TECRL: variants seen among roughly 807,000 people sequenced by gnomAD.
The protein encoded by TECRL is trans-2,3-enoyl-CoA reductase like.
TECRL carries 63 observed loss-of-function variants against 52.8 expected under a neutral mutation model. That is an observed-to-expected ratio of 1.19 (90% confidence interval 0.97 to 1.47). The LOEUF is 1.47. Ranked by LOEUF, TECRL falls within the 40% of genes most tolerant of loss-of-function variation. The pLI is 0.00. For missense variants in TECRL, 482 were observed against 429.6 expected (o/e 1.12, Z -1.08); for synonymous variants, 164 against 141.9 (o/e 1.16, Z -1.10).
intron 9 of TECRL, among the ~76,000 whole-genome samples, chr4:64,284,338 A>G (rs1577796852): frequency 6.6e-6 from 1 of 152,052 alleles, no homozygotes; most frequent in Admixed American, 6.6e-5. Flanking sequence ...CAGATAGTCT[A>G]CGCAAGGTTG....
chr4:64,334,030 C>CAAAAAAAAAAAAAAAAAAAAAAAAA (rs4034910), intron 2 of TECRL, among the ~76,000 whole-genome samples: 16 of 27,912 alleles, frequency 5.7e-4, no homozygotes, highest in East Asian at 1.2e-3. Flanking sequence ...GACTCCGTCT[C>CAAAAAAAAAAAAAAAAAAAAAAAAA]AAAAAAAAAA....
At chr4:64,288,553 C>A (rs765636107) in intron 9 of TECRL, among the ~76,000 whole-genome samples, 44 of 152,122 alleles carry the variant, frequency 2.9e-4, no homozygotes, top group Admixed American at 7.9e-4. Flanking sequence ...GAACAATGAA[C>A]CATTTCTTGC....
At chr4:64,313,544 C>T (rs1015563592) in intron 5 of TECRL, among the ~76,000 whole-genome samples, 3 of 132,100 alleles carry the variant, frequency 2.3e-5, no homozygotes, top group African/African-American at 5.8e-5. Flanking sequence ...TGCAGTGGTG[C>T]GATCTCAGCT....
intron 1 of TECRL, chr4:64,397,824 A>AT (rs1462834067): frequency 8.5e-5 from 13 of 152,150 alleles, no homozygotes; most frequent in African/African-American, 2.6e-4. Flanking sequence ...GGTATTTTAT[A>AT]TTTTTGTTAC....
At chr4:64,406,309 A>G (rs1012697387) in intron 1 of TECRL, among the ~76,000 whole-genome samples, 3 of 152,026 alleles carry the variant, frequency 2.0e-5, no homozygotes, top group African/African-American at 7.2e-5. Flanking sequence ...AGTAATAGAC[A>G]TAAAACAAAG....
intron 2 of TECRL, among the ~76,000 whole-genome samples, chr4:64,350,547 T>C (rs1053822339): frequency 3.3e-5 from 5 of 152,188 alleles, no homozygotes; most frequent in African/African-American, 1.2e-4. Flanking sequence ...TTTTATTGAC[T>C]AATATTAAGA....
intron 1 of TECRL, among the ~76,000 whole-genome samples, chr4:64,393,363 C>A (rs1030291328): frequency 1.3e-5 from 2 of 151,842 alleles, no homozygotes; most frequent in South Asian, 2.1e-4. Context: ...ATTTTGACTG[C>A]AAAGGGGGGG....
At chr4:64,333,698 G>A (rs1718813828) in intron 2 of TECRL, among the ~76,000 whole-genome samples, 1 of 152,118 alleles carries the variant, frequency 6.6e-6, no homozygotes, top group Admixed American at 6.5e-5. Flanking sequence ...TTGGGGAATG[G>A]AATGCTAAAT....
chr4:64,308,090 G>A (rs1461015154), intron 6 of TECRL, among the ~76,000 whole-genome samples: 1 of 152,138 alleles, frequency 6.6e-6, no homozygotes, highest in Non-Finnish European at 1.5e-5. Flanking sequence ...CCTAATGGCA[G>A]TTAGGGTTAA....
At chr4:64,371,187 A>C (rs1050131658) in intron 2 of TECRL, among the ~76,000 whole-genome samples, 1 of 151,420 alleles carries the variant, frequency 6.6e-6, no homozygotes, top group South Asian at 2.1e-4. Context: ...TTTAACTACA[A>C]ACCCAGTAAT....
intron 2 of TECRL, among the ~76,000 whole-genome samples, chr4:64,374,502 C>A (rs1199763794): frequency 6.6e-6 from 1 of 151,748 alleles, no homozygotes; most frequent in Non-Finnish European, 1.5e-5. Context: ...TGTTGGTGTG[C>A]TGCACCCATT....
chr4:64,386,188 T>C (rs149258483), intron 1 of TECRL, among the ~76,000 whole-genome samples: 508 of 152,312 alleles, frequency 3.3e-3, no homozygotes, highest in Non-Finnish European at 5.6e-3. Flanking sequence ...TAACACATAC[T>C]GCATCTATAT....
Position 64,279,965 on chromosome 4 carries a change from T to G in TECRL, c.*107A>C. Reference sequence around the variant, plus strand: ...ATTTTATATTTTTACTCAGTGTATATACTGTTGCTCATGAATTGTTGGAGT... The same window carrying G: ...ATTTTATATTTTTACTCAGTGTATAGACTGTTGCTCATGAATTGTTGGAGT... On this transcript the variant is annotated 3_prime_UTR_variant, in exon 12 of 12. Transcript: ENST00000381210. 1.4e-6 allele frequency: 2 copies of G among 1,438,800 alleles called. No individual in the cohort carries two copies. The highest frequency in any genetic ancestry group is 1.5e-5 in the African/African-American group (1 of 68,662). 89.1% of individuals were successfully genotyped at this position (1,438,800 alleles called of 1,614,324 possible). A position where few individuals can be genotyped will look rare whatever the true frequency, so the allele number is the denominator to read the frequency against.
chr4:64,356,539 A>T (rs1440267729), intron 2 of TECRL, among the ~76,000 whole-genome samples: 1 of 152,164 alleles, frequency 6.6e-6, no homozygotes, highest in Non-Finnish European at 1.5e-5. Context: ...AGAAACATGA[A>T]TCTGGCCTAC....
In TECRL at chr4:64,314,634, T is replaced by C. The variant is rs10010625; in HGVS notation, c.551+14A>G. On this transcript the variant is annotated intron_variant, in intron 5 of 11. Transcript: ENST00000381210. ...GTGTGTGTGTGTGTGTGTGTGTGTG[T>C]GTGTATCACTTACTGTACCACTGGG... is the stretch of plus-strand genomic sequence containing the variant. 143 of 1,039,572 alleles carry C rather than the reference T, an allele frequency of 1.4e-4. No individual in the cohort carries two copies. In the African/African-American group the frequency reaches 2.1e-3, roughly 15 times the overall value. The allele number at this position is 1,039,572 out of a possible 1,614,324, so 64.4% of individuals were successfully genotyped here. A position where few individuals can be genotyped will look rare whatever the true frequency, so the allele number is the denominator to read the frequency against.
chr4:64,294,727 GT>G (rs1383194602), intron 8 of TECRL, among the ~76,000 whole-genome samples: 3 of 151,930 alleles, frequency 2.0e-5, no homozygotes, highest in African/African-American at 7.2e-5. Flanking sequence ...TGCTCAGTTT[GT>G]TTAGTTTCAG....
chr4:64,388,043 C>T (rs1165072060), intron 1 of TECRL, among the ~76,000 whole-genome samples: 2 of 151,372 alleles, frequency 1.3e-5, no homozygotes, highest in South Asian at 2.1e-4. Flanking sequence ...TGAATTCCAT[C>T]TTATTAATTT....
intron 6 of TECRL, among the ~76,000 whole-genome samples, chr4:64,308,273 A>G (rs1356247886): frequency 6.6e-6 from 1 of 152,154 alleles, no homozygotes; most frequent in Non-Finnish European, 1.5e-5. Context: ...ATGCTTACTC[A>G]GAAGAAACTC....
chr4:64,310,351 T>C (rs1724599690), intron 5 of TECRL, among the ~76,000 whole-genome samples: 1 of 152,228 alleles, frequency 6.6e-6, no homozygotes, highest in Non-Finnish European at 1.5e-5. Flanking sequence ...AATAACTTTT[T>C]AATTGTCTGG....
Sources: allele counts gnomAD v4.1 joint callset (sites outside exome capture counted in the v4.1 genomes callset), GRCh38; gene constraint gnomAD v4.1.1; transcripts MANE v1.5; gene names NCBI Gene and HGNC (gene_info 2026-07-23, HGNC 2026-07-21).